The following LUZP1 variants were observed in gnomAD, a reference collection of about 807,000 sequenced individuals.
The protein encoded by LUZP1 is filamin mechanobinding actin cross-linking protein.
In LUZP1, 25 loss-of-function variants were observed where a neutral mutation model predicts 71.3. The observed-to-expected ratio is 0.35, with a 90% CI of 0.26 to 0.49. LUZP1 has a LOEUF of 0.49. Ranked by LOEUF, LUZP1 falls within the 20% of genes least tolerant of loss-of-function variation. The probability of loss-of-function intolerance (pLI) is 0.99; values close to 1 mark genes in which losing one functional copy is unlikely to be tolerated. For missense variants in LUZP1, 1,142 were observed against 1,300.8 expected, an observed-to-expected ratio of 0.88 and a Z score of 1.88; for synonymous variants, 481 against 506.4, an observed-to-expected ratio of 0.95 and a Z score of 0.67.
chr1:23,147,212 G>T (rs954305712), intron 2 of LUZP1, among the ~76,000 whole-genome samples: 1 of 151,370 alleles, frequency 6.6e-6, no homozygotes, highest in African/African-American at 2.4e-5. Context: ...AGGCCGAGAC[G>T]GGTGGATCAC....
exon 5 of LUZP1, chr1:23,088,024 G>A (rs774590568): frequency 9.2e-5 from 14 of 152,846 alleles, no homozygotes; most frequent in Non-Finnish European, 1.9e-4. Flanking sequence ...GAAGGCAGAG[G>A]ATGCTGGGTC....
intron 3 of LUZP1, among the ~76,000 whole-genome samples, chr1:23,105,470 A>G (rs1643973013): frequency 6.6e-6 from 1 of 152,236 alleles, no homozygotes; most frequent in Non-Finnish European, 1.5e-5. Context: ...TTTATTAGCT[A>G]CTAGCTGTGT....
At chr1:23,158,569 C>T (rs1393991365) in intron 2 of LUZP1, among the ~76,000 whole-genome samples, 1 of 144,022 alleles carries the variant, frequency 6.9e-6, no homozygotes, top group Non-Finnish European at 1.5e-5. Context: ...ATCACTTGAA[C>T]CTGGGAGATG....
At chr1:23,135,277 T>C (rs1644244645) in intron 2 of LUZP1, among the ~76,000 whole-genome samples, 1 of 152,218 alleles carries the variant, frequency 6.6e-6, no homozygotes. Context: ...CCTGCTTCAA[T>C]TCAGGTCAGG....
chr1:23,173,306 CT>C (rs59499596), intron 1 of LUZP1, among the ~76,000 whole-genome samples: 71,302 of 125,470 alleles, frequency 0.57, 19,056 homozygotes, highest in African/African-American at 0.68. Context: ...AGTTTTTTTT[CT>C]TTTTTTTTTG....
intron 2 of LUZP1, among the ~76,000 whole-genome samples, chr1:23,112,961 G>A (rs988688809): frequency 1.4e-4 from 22 of 152,206 alleles, no homozygotes; most frequent in African/African-American, 5.1e-4. Flanking sequence ...TTTGAACTGC[G>A]ACCCACTGCA....
chr1:23,093,484 C>A lies in LUZP1; in HGVS notation c.778G>T (p.Gly260Cys), dbSNP rs1557630597. Residue 260 changes from glycine to cysteine, a missense_variant, in exon 4 of 5, where the codon GGT becomes TGT. Physicochemically the swap from Gly to Cys is radical, Grantham distance 159. Coordinates refer to ENST00000302291, the Ensembl canonical transcript of LUZP1. The surrounding 1 kb of genome is among the most constrained non-coding windows in gnomAD (Gnocchi z 4.2). ...TCTACCTGCTTTAGGTAGTCCAGAC[C>A]ACCCTTCCTTCTTGATTCTTTGGAC... 6.2e-7 allele frequency: 1 copy of A among 1,612,514 alleles called. No homozygotes were observed. Among genetic ancestry groups the A allele is most frequent in the Admixed American group, 1.7e-5 (1 of 59,722 alleles).
chr1:23,128,045 C>A (rs1395011328), intron 2 of LUZP1, among the ~76,000 whole-genome samples: 1 of 151,952 alleles, frequency 6.6e-6, no homozygotes, highest in African/African-American at 2.4e-5. Context: ...GCAGGAGAAT[C>A]GCTTGAACCT....
intron 2 of LUZP1, among the ~76,000 whole-genome samples, chr1:23,111,352 A>T (rs1190337940): frequency 6.6e-6 from 1 of 151,900 alleles, no homozygotes; most frequent in Non-Finnish European, 1.5e-5. Flanking sequence ...GGAGTTCAAG[A>T]ACAGCCTGGA....
intron 3 of LUZP1, among the ~76,000 whole-genome samples, chr1:23,101,124 T>C (rs1317648431): frequency 2.0e-5 from 3 of 152,214 alleles, no homozygotes; most frequent in Non-Finnish European, 4.4e-5. Flanking sequence ...GGCAGTACTA[T>C]ACTACAGGCA....
At chr1:23,101,796 A>G (rs1237313705) in intron 3 of LUZP1, among the ~76,000 whole-genome samples, 1 of 152,184 alleles carries the variant, frequency 6.6e-6, no homozygotes, top group Non-Finnish European at 1.5e-5. Flanking sequence ...CTCTCTTTCT[A>G]CTGCCTCCCT....
Position 23,093,160 on chromosome 1 carries a change from T to C in LUZP1, c.1102A>G (p.Lys368Glu). Residue 368 changes from lysine (K) to glutamate (E), a missense_variant, in exon 4 of 5, where the codon AAA becomes GAA. Transcript: ENST00000302291. This position sits in a 1 kb window ranked among gnomAD's most constrained non-coding sequence, Gnocchi z 4.2. ...AACTTAGTCCTCTCATGTCTGCCTT[T>C]GCTGGACAGGAAAGCATCTTCCCCT... The C allele has an allele frequency of 6.2e-7, 1 of 1,614,188 alleles. No individual in the cohort carries two copies. Among genetic ancestry groups the C allele is most frequent in the Non-Finnish European group, 8.5e-7 (1 of 1,180,016 alleles).
intron 2 of LUZP1, among the ~76,000 whole-genome samples, chr1:23,163,625 T>C (rs1218613979): frequency 1.3e-5 from 2 of 150,722 alleles, no homozygotes; most frequent in African/African-American, 4.9e-5. Context: ...TAACTATCAA[T>C]TCCTTAGAAC....
At chr1:23,088,591 TG>T in exon 5 of LUZP1, 2 of 282,154 alleles carry the variant, frequency 7.1e-6, no homozygotes, top group Non-Finnish European at 1.4e-5. Flanking sequence ...TGCTGTGTGC[TG>T]GGGACTTTAT....
intron 2 of LUZP1, among the ~76,000 whole-genome samples, chr1:23,118,593 T>C (rs1644105271): frequency 6.6e-6 from 1 of 152,168 alleles, no homozygotes; most frequent in African/African-American, 2.4e-5. Context: ...TGAAAGTACT[T>C]TGTACACAAT....
chr1:23,115,752 G>C (rs1644072778), intron 2 of LUZP1, among the ~76,000 whole-genome samples: 1 of 151,982 alleles, frequency 6.6e-6, no homozygotes. Flanking sequence ...TGTTGGCCAG[G>C]CTGGTTCTCA....
At chr1:23,149,700 C>T (rs753302274) in intron 2 of LUZP1, among the ~76,000 whole-genome samples, 6 of 152,064 alleles carry the variant, frequency 3.9e-5, no homozygotes, top group South Asian at 2.1e-4. Flanking sequence ...AAGGGCCGGG[C>T]GTGGTGGTTC....
In LUZP1 at chr1:23,130,414, T is replaced by C. The variant is rs138268207; in HGVS notation, c.-225-21287A>G. The stretch of plus-strand genomic sequence containing the variant: ...ACTGTCATTTCTTTGTATTTTTACC[T>C]GTACAATATTATGAATATAATGGTT... On this transcript the variant is annotated intron_variant, in intron 2 of 4. Coordinates refer to ENST00000302291, the Ensembl canonical transcript of LUZP1. 1.7e-4 allele frequency among the ~76,000 whole-genome samples: 26 copies of C among 152,238 alleles called. No individual in the cohort carries two copies. In the East Asian group the frequency reaches 5.0e-3, roughly 29 times the overall value.
intron 2 of LUZP1, among the ~76,000 whole-genome samples, chr1:23,146,637 AAAC>A: frequency 6.6e-6 from 1 of 152,130 alleles, no homozygotes; most frequent in East Asian, 1.9e-4. Context: ...ATCTCTATCA[AAAC>A]AATACAAAAA....
Sources: gnomAD v4.1 joint callset for allele counts (sites outside exome capture counted in the v4.1 genomes callset) on GRCh38, gnomAD v4.1.1 for gene constraint, Gnocchi (gnomAD v3.1) non-coding constraint, MANE v1.5 for transcripts, NCBI Gene and HGNC (gene_info 2026-07-23, HGNC 2026-07-21) for gene names.